The following ZNF454 variants were observed in gnomAD, a reference collection of about 807,000 sequenced individuals.
The protein encoded by ZNF454 is zinc finger protein 454.
ZNF454 carries 30 observed loss-of-function variants against 48.2 expected under a neutral mutation model. The observed-to-expected ratio is 0.62, with a 90% CI of 0.47 to 0.84. ZNF454 has a LOEUF of 0.84. ZNF454 is among the 40% of genes least tolerant of loss of function. ZNF454 has a pLI of 0.00. For missense variants in ZNF454, 510 were observed against 623.1 expected (o/e 0.82, Z 1.93); for synonymous variants, 204 against 211.4 (o/e 0.97, Z 0.30).
Position 178,946,467 on chromosome 5 carries a change from A to C in ZNF454, c.142A>C (p.Ser48Arg). Residue 48 changes from serine to arginine, a missense_variant, in exon 3 of 5, where the codon AGC becomes CGC. Transcript: ENST00000519564. This position sits in a 1 kb window ranked among gnomAD's most constrained non-coding sequence, Gnocchi z 4.5. ...LYRDVMLENYSNLVSLGLLGP... is the reference protein window; with the variant it reads ...LYRDVMLENYRNLVSLGLLGP... ...CAGGGACGTGATGCTGGAGAACTAC[A>C]GCAACCTGGTCTCACTGGGTAAGTG... 1 of 1,601,616 alleles carries C rather than the reference A, an allele frequency of 6.2e-7. No individual in the cohort carries two copies. The highest frequency in any genetic ancestry group is 8.5e-7 in the Non-Finnish European group (1 of 1,176,854).
chr5:178,962,336 C>G (rs1338748417), intron 4 of ZNF454, among the ~76,000 whole-genome samples: 1 of 151,082 alleles, frequency 6.6e-6, no homozygotes. Flanking sequence ...GCTGAGGTGC[C>G]TAGGTGAATT....
chr5:178,984,640 C>T, the ZNF454 span, among the ~76,000 whole-genome samples: 8 of 152,098 alleles, frequency 5.3e-5, no homozygotes, highest in Admixed American at 2.0e-4. Flanking sequence ...CAGGCCGGGA[C>T]GTAGAGGGCA....
At chr5:178,957,172 G>A (rs957072000) in intron 4 of ZNF454, among the ~76,000 whole-genome samples, 1 of 151,626 alleles carries the variant, frequency 6.6e-6, no homozygotes, top group African/African-American at 2.4e-5. Flanking sequence ...GTGAGCCACC[G>A]CGCCCGGCCC....
the ZNF454 span, among the ~76,000 whole-genome samples, chr5:178,988,360 G>A: frequency 6.6e-6 from 1 of 152,224 alleles, no homozygotes; most frequent in Non-Finnish European, 1.5e-5. The surrounding 1 kb of genome is among the most constrained non-coding windows in gnomAD (Gnocchi z 6.0). Flanking sequence ...GTGTTCAGTG[G>A]AAGAGCGGAG....
chr5:178,944,188 C>A lies in ZNF454; in HGVS notation c.33+1364C>A, dbSNP rs1759225191. 6.6e-6 allele frequency among the ~76,000 whole-genome samples: 1 copy of A among 152,182 alleles called. No individual in the cohort carries two copies. Among genetic ancestry groups the A allele is most frequent in the African/African-American group, 2.4e-5 (1 of 41,452 alleles). Reference sequence around the variant, plus strand: ...GGCAGGAATCACTGGAAAGGATGACCAGCTAGGTGGGAGCGCCATGTTCAA... The same window carrying A: ...GGCAGGAATCACTGGAAAGGATGACAAGCTAGGTGGGAGCGCCATGTTCAA... On this transcript the variant is annotated intron_variant, in intron 2 of 4. Coordinates refer to ENST00000519564, the MANE Select transcript of ZNF454 (RefSeq NM_001178089.3). This position sits in a 1 kb window ranked among gnomAD's most constrained non-coding sequence, Gnocchi z 4.1.
Position 178,946,527 on chromosome 5 carries a change from T to C in ZNF454, c.160+42T>C. ...CAAGGTTTCTCTTCACTTTTGGGGA[T>C]CTCTTTGGGACCCTTACATTGACAC... On this transcript the variant is annotated intron_variant, in intron 3 of 4. Transcript: ENST00000519564. The surrounding 1 kb of genome is among the most constrained non-coding windows in gnomAD (Gnocchi z 4.5). The C allele has an allele frequency of 6.4e-7, 1 of 1,567,548 alleles. No homozygotes were observed. Among genetic ancestry groups the C allele is most frequent in the Non-Finnish European group, 8.6e-7 (1 of 1,161,692 alleles).
At chr5:178,986,177 T>C in the ZNF454 span, 5 of 1,613,900 alleles carry the variant, frequency 3.1e-6, no homozygotes, top group Admixed American at 1.7e-5. Context: ...GAGGTGGGGC[T>C]GATGAAGGGA....
At chr5:178,957,897 T>C (rs1018093473) in intron 4 of ZNF454, among the ~76,000 whole-genome samples, 1 of 152,200 alleles carries the variant, frequency 6.6e-6, no homozygotes, top group Non-Finnish European at 1.5e-5. Context: ...TAATATAAAA[T>C]ATTTAAAAAG....
At chr5:178,975,708 G>A in the ZNF454 span, 21 of 426,628 alleles carry the variant, frequency 4.9e-5, no homozygotes, top group Admixed American at 7.3e-5. Context: ...CTCAGGTGAC[G>A]GTTAGCTTGA....
downstream of ZNF454, chr5:178,966,448 A>C (rs1760159946): frequency 6.6e-6 from 1 of 152,372 alleles, no homozygotes; most frequent in African/African-American, 2.4e-5. Flanking sequence ...AAAAAAAAAA[A>C]AAAAAGAATG....
the ZNF454 span, chr5:178,985,633 G>C: frequency 2.7e-6 from 1 of 373,932 alleles, no homozygotes; most frequent in Non-Finnish European, 5.2e-6. Flanking sequence ...AACCCGGAAG[G>C]CAGAGCTTGC....
At chr5:178,983,822 G>A in the ZNF454 span, among the ~76,000 whole-genome samples, 1 of 152,224 alleles carries the variant, frequency 6.6e-6, no homozygotes, top group Admixed American at 6.5e-5. Flanking sequence ...GCCAAGGAAA[G>A]CTGGGGAACA....
downstream of ZNF454, chr5:178,969,377 T>C (rs1015151004): frequency 1.1e-5 from 5 of 441,452 alleles, no homozygotes; most frequent in Non-Finnish European, 2.3e-5. Context: ...AGAGGGAGTT[T>C]TCTGTGCCCC....
intron 4 of ZNF454, 87 bp from the exon 5 acceptor site, chr5:178,964,568 T>C: frequency 9.9e-7 from 1 of 1,009,140 alleles, no homozygotes; most frequent in South Asian, 1.6e-5. Flanking sequence ...AATCTTTCTG[T>C]TAGCATTATG....
intron 4 of ZNF454, among the ~76,000 whole-genome samples, chr5:178,953,254 C>T (rs895951515): frequency 1.3e-5 from 2 of 152,128 alleles, no homozygotes; most frequent in Non-Finnish European, 2.9e-5. Flanking sequence ...GTAGCTTTGA[C>T]TTGGTCAGTA....
chr5:178,984,776 G>A, the ZNF454 span, among the ~76,000 whole-genome samples: 1 of 152,134 alleles, frequency 6.6e-6, no homozygotes, highest in African/African-American at 2.4e-5. Context: ...GGCACGTGGC[G>A]TGTGTGGAAC....
At chr5:178,987,619 G>C in the ZNF454 span, 4 of 368,050 alleles carry the variant, frequency 1.1e-5, no homozygotes, top group East Asian at 2.2e-4. Context: ...AATTCATAGA[G>C]AGGGGCCGTG....
At chr5:178,955,793 C>T (rs1759723060) in intron 4 of ZNF454, among the ~76,000 whole-genome samples, 1 of 152,132 alleles carries the variant, frequency 6.6e-6, no homozygotes, top group South Asian at 2.1e-4. Flanking sequence ...TCTTCTGGGC[C>T]AGGAGCAGAA....
intron 4 of ZNF454, among the ~76,000 whole-genome samples, chr5:178,958,818 A>G (rs950340731): frequency 4.6e-5 from 7 of 152,300 alleles, no homozygotes; most frequent in South Asian, 2.1e-4. Context: ...TAGAATTTCA[A>G]TACCCTCTTT....
Sources: gnomAD v4.1 joint callset for allele counts (sites outside exome capture counted in the v4.1 genomes callset) on GRCh38, gnomAD v4.1.1 for gene constraint, Gnocchi (gnomAD v3.1) non-coding constraint, MANE v1.5 for transcripts, NCBI Gene and HGNC (gene_info 2026-07-23, HGNC 2026-07-21) for gene names.